Variants in SH3GL2 observed in about 807,000 individuals in gnomAD.
The protein encoded by SH3GL2 is endophilin-A1.
Under a neutral mutation model 46.0 loss-of-function variants are expected in SH3GL2, and 24 were observed. The ratio of observed to expected loss-of-function variants is 0.52; its 90% CI spans 0.38 to 0.73. The LOEUF is 0.73. Ranked by LOEUF, SH3GL2 falls within the 30% of genes least tolerant of loss-of-function variation. The probability of loss-of-function intolerance (pLI) is 0.00; values close to 1 mark genes in which losing one functional copy is unlikely to be tolerated. For missense variants in SH3GL2, 413 were observed against 424.2 expected (o/e 0.97, Z 0.23); for synonymous variants, 196 against 147.1 (o/e 1.33, Z -2.40).
At chr9:17,758,578 A>G (rs1386439805) in intron 2 of SH3GL2, among the ~76,000 whole-genome samples, 1 of 134,950 alleles carries the variant, frequency 7.4e-6, no homozygotes, top group Admixed American at 7.0e-5. Context: ...AAAAAAAAAA[A>G]AAAAAAAAAA....
chr9:17,614,368 C>T (rs1021045809), intron 1 of SH3GL2, among the ~76,000 whole-genome samples: 3 of 147,332 alleles, frequency 2.0e-5, no homozygotes, highest in Non-Finnish European at 3.0e-5. Flanking sequence ...CTAGGCTAGC[C>T]AGATCCCTCT....
chr9:17,674,808 T>A (rs1157607510), intron 1 of SH3GL2, among the ~76,000 whole-genome samples: 1 of 152,128 alleles, frequency 6.6e-6, no homozygotes, highest in East Asian at 1.9e-4. Flanking sequence ...TTTCTTTCCA[T>A]GGCAGTCTCA....
At chr9:17,647,750 T>C (rs1313335582) in intron 1 of SH3GL2, among the ~76,000 whole-genome samples, 2 of 152,186 alleles carry the variant, frequency 1.3e-5, no homozygotes, top group East Asian at 1.9e-4. Flanking sequence ...GAGCATGGCA[T>C]GTAAGCACTC....
chr9:17,649,199 G>A (rs1284027923), intron 1 of SH3GL2, among the ~76,000 whole-genome samples: 2 of 152,164 alleles, frequency 1.3e-5, no homozygotes, highest in East Asian at 3.8e-4. Context: ...CTGAGTAGCT[G>A]GAATTACAGG....
intron 1 of SH3GL2, among the ~76,000 whole-genome samples, chr9:17,678,242 G>T (rs965252693): frequency 2.6e-5 from 4 of 151,958 alleles, no homozygotes; most frequent in Non-Finnish European, 5.9e-5. Flanking sequence ...CTAGTTTACA[G>T]TCCCACCAAC....
chr9:17,788,774 C>A (rs958559335), intron 5 of SH3GL2, among the ~76,000 whole-genome samples: 1 of 152,076 alleles, frequency 6.6e-6, no homozygotes, highest in African/African-American at 2.4e-5. Flanking sequence ...TAAACTAAAT[C>A]ACTGGATTTA....
intron 1 of SH3GL2, among the ~76,000 whole-genome samples, chr9:17,659,598 T>C (rs1357003658): frequency 1.3e-5 from 2 of 152,152 alleles, no homozygotes; most frequent in Admixed American, 1.3e-4. Flanking sequence ...TAACACAGTG[T>C]TGTACTTACA....
Position 17,778,000 on chromosome 9 carries a change from C to G in SH3GL2, c.188-8381C>G, listed in dbSNP as rs568514480. Among the ~76,000 whole-genome samples, 119 of 152,054 alleles carry G rather than the reference C, an allele frequency of 7.8e-4. 1 individual carries two copies. The highest frequency in any genetic ancestry group is 2.5e-3 in the African/African-American group (105 of 41,486). ...CGAACCCACCAACTCTAAGAACTTT[C>G]CTCTTGTCCATGACAATCTGGGAGT... On this transcript the variant is annotated intron_variant, in intron 3 of 8. Coordinates refer to ENST00000380607, the MANE Select transcript of SH3GL2 (RefSeq NM_003026.5).
chr9:17,747,032 T>C (rs1235805426), intron 1 of SH3GL2, 34 bp from the exon 2 acceptor site: 6 of 1,420,522 alleles, frequency 4.2e-6, no homozygotes, highest in African/African-American at 1.4e-5. Context: ...AGAAACTGTT[T>C]ATAATAATTC....
At chr9:17,641,161 C>T (rs935683722) in intron 1 of SH3GL2, among the ~76,000 whole-genome samples, 3 of 152,108 alleles carry the variant, frequency 2.0e-5, no homozygotes, top group African/African-American at 7.2e-5. Flanking sequence ...ATTATAAACT[C>T]TGTGCTTGAG....
chr9:17,642,008 A>G (rs1819697624), intron 1 of SH3GL2, among the ~76,000 whole-genome samples: 1 of 152,194 alleles, frequency 6.6e-6, no homozygotes, highest in Non-Finnish European at 1.5e-5. Flanking sequence ...TCCTTGAGGA[A>G]TCACCACACT....
intron 1 of SH3GL2, among the ~76,000 whole-genome samples, chr9:17,681,882 C>T (rs899322108): frequency 6.6e-6 from 1 of 151,770 alleles, no homozygotes; most frequent in African/African-American, 2.4e-5. Flanking sequence ...AAAAAGTAGG[C>T]AAAGGATATG....
chr9:17,738,983 T>A lies in SH3GL2; in HGVS notation c.46-8083T>A, dbSNP rs543644089. On this transcript the variant is annotated intron_variant, in intron 1 of 8. Transcript: ENST00000380607. ...ATTGAATAAGTGGATACTGTAGACT[T>A]GCGAAGTTGATGCATGCAACTCACT... 5.9e-5 allele frequency among the ~76,000 whole-genome samples: 9 copies of A among 152,228 alleles called. No homozygotes were observed. The South Asian group carries it at 1.2e-3, about 21-fold the overall frequency.
At chr9:17,652,680 A>G (rs374024101) in intron 1 of SH3GL2, among the ~76,000 whole-genome samples, 5 of 152,302 alleles carry the variant, frequency 3.3e-5, no homozygotes, top group African/African-American at 7.2e-5. Context: ...TTGAGCACCA[A>G]CATGACACTC....
intron 1 of SH3GL2, among the ~76,000 whole-genome samples, chr9:17,737,814 C>T (rs772373425): frequency 1.3e-5 from 2 of 152,092 alleles, no homozygotes; most frequent in Non-Finnish European, 2.9e-5. Flanking sequence ...CCTTTGAGCT[C>T]TGGCAACACA....
At chr9:17,779,814 G>A (rs766004350) in intron 3 of SH3GL2, among the ~76,000 whole-genome samples, 4 of 152,102 alleles carry the variant, frequency 2.6e-5, no homozygotes, top group Non-Finnish European at 4.4e-5. Context: ...GATTTGCTTG[G>A]TTGTCTGCTA....
rs1588152590 is a variant in SH3GL2 at position 17,579,120 on chromosome 9, C to T, written c.-123C>T. The T allele has an allele frequency of 5.2e-6, 3 of 579,406 alleles. No individual in the cohort carries two copies. In the East Asian group the frequency reaches 1.1e-4, roughly 21 times the overall value. The allele number at this position is 579,406 out of a possible 1,614,324, so 35.9% of individuals were successfully genotyped here. A position where few individuals can be genotyped will look rare whatever the true frequency, so the allele number is the denominator to read the frequency against. ...TCCCGCTAGGCTCCGCGCCCTCGCG[C>T]CCATAGCCCCGGCGGCGGCACGACC... On this transcript the variant is annotated 5_prime_UTR_variant, in exon 1 of 9. Coordinates refer to ENST00000380607, the MANE Select transcript of SH3GL2 (RefSeq NM_003026.5).
At position 17,683,962 on chromosome 9, in the gene SH3GL2, A is replaced by G. The variant is rs192741579; in HGVS notation, c.46-63104A>G. Reference sequence around the variant, plus strand: ...ACACTTAAGATTAGCAGGATGCGAGACATGTTCATTTCCAGGCACAAATAC... The same window carrying G: ...ACACTTAAGATTAGCAGGATGCGAGGCATGTTCATTTCCAGGCACAAATAC... On this transcript the variant is annotated intron_variant, in intron 1 of 8. Transcript: ENST00000380607. Among the ~76,000 whole-genome samples the G allele has an allele frequency of 1.8e-3, 275 of 152,232 alleles. 2 individuals carry two copies. The highest frequency in any genetic ancestry group is 6.2e-3 in the African/African-American group (259 of 41,556).
At chr9:17,626,520 G>A (rs1819285038) in intron 1 of SH3GL2, among the ~76,000 whole-genome samples, 1 of 152,124 alleles carries the variant, frequency 6.6e-6, no homozygotes, top group Admixed American at 6.5e-5. Context: ...TTTTAAAATG[G>A]CAGTAATGAT....
Sources: gnomAD v4.1 joint callset for allele counts (sites outside exome capture counted in the v4.1 genomes callset) on GRCh38, gnomAD v4.1.1 for gene constraint, MANE v1.5 for transcripts, NCBI Gene and HGNC (gene_info 2026-07-23, HGNC 2026-07-21) for gene names.